Variants in ATP2B1 observed in about 807,000 individuals in gnomAD.
The protein encoded by ATP2B1 is plasma membrane calcium-transporting ATPase 1.
A neutral mutation model predicts 124.2 loss-of-function variants in ATP2B1; 14 were observed. The ratio of observed to expected loss-of-function variants is 0.11; its 90% CI spans 0.07 to 0.18. The LOEUF is 0.18. ATP2B1 is among the 10% of genes least tolerant of loss of function. The probability of loss-of-function intolerance (pLI) is 1.00; values close to 1 mark genes in which losing one functional copy is unlikely to be tolerated. For synonymous variants in ATP2B1, 449 were observed against 492.4 expected, an observed-to-expected ratio of 0.91 and a Z score of 1.17; for missense variants, 763 against 1,466.1, an observed-to-expected ratio of 0.52 and a Z score of 7.83.
intron 6 of ATP2B1, among the ~76,000 whole-genome samples, chr12:89,629,279 A>T (rs1416961907): frequency 6.6e-6 from 1 of 152,192 alleles, no homozygotes; most frequent in African/African-American, 2.4e-5. Context: ...CAAATTATAT[A>T]ATCTCCGTAA....
chr12:89,630,603 G>C lies in ATP2B1; in HGVS notation c.830C>G (p.Ala277Gly), dbSNP rs543717834. ...MEGSGRMVVT[A>G]VGVNSQTGII... ...TCCAGTTTGAGAATTTACACCTACA[G>C]CTGTAACTACCATTCTTCCAGAGCC... Residue 277 changes from alanine (A) to glycine (G), a missense_variant, in exon 6 of 21, where the codon GCT becomes GGT. Coordinates refer to ENST00000428670, the MANE Select transcript of ATP2B1 (RefSeq NM_001366521.1). The C allele has an allele frequency of 6.3e-7, 1 of 1,599,538 alleles. No individual in the cohort carries two copies. Among genetic ancestry groups the C allele is most frequent in the East Asian group, 2.3e-5 (1 of 43,892 alleles).
chr12:89,633,605 A>G lies in ATP2B1; in HGVS notation c.787+1173T>C, dbSNP rs56787277. ...GCAATAGGATTTTCTGGCCAATATA[A>G]ATGTGTCTGGTTCTTTGCAATAAGC... is the stretch of plus-strand genomic sequence containing the variant. On this transcript the variant is annotated intron_variant, in intron 5 of 20. Transcript: ENST00000428670. Among the ~76,000 whole-genome samples the G allele has an allele frequency of 3.9e-3, 592 of 152,144 alleles. 2 individuals are homozygous for G. The highest frequency in any genetic ancestry group is 0.013 in the African/African-American group (554 of 41,514).
chr12:89,618,320 T>C (rs959192179), intron 11 of ATP2B1, among the ~76,000 whole-genome samples: 4 of 152,176 alleles, frequency 2.6e-5, no homozygotes, highest in Admixed American at 1.3e-4. Flanking sequence ...CACTAGACAG[T>C]TGGTATGCAT....
intron 2 of ATP2B1, among the ~76,000 whole-genome samples, chr12:89,650,626 T>C (rs1341789498): frequency 1.3e-5 from 2 of 152,226 alleles, no homozygotes; most frequent in African/African-American, 4.8e-5. Flanking sequence ...TACAAGTCCA[T>C]GAAGCCATGC....
intron 1 of ATP2B1, among the ~76,000 whole-genome samples, chr12:89,699,372 T>C (rs1260549556): frequency 6.6e-6 from 1 of 152,242 alleles, no homozygotes; most frequent in East Asian, 1.9e-4. Flanking sequence ...TTTCAATAAA[T>C]GTATTTATCT....
Position 89,620,165 on chromosome 12 carries a change from C to T in ATP2B1, c.1663G>A (p.Asp555Asn). The change falls in exon 11 of 21, where the codon GAT becomes AAT. Residue 555 changes from aspartate (D) to asparagine (N), a missense_variant. Physicochemically the swap from Asp to Asn is conservative, Grantham distance 23. Transcript: ENST00000428670. ...TECALLGLLL[D>N]LKRDYQDVRN... is the part of the protein sequence containing the mutation. ...ACATCCTGATAATCCCGTTTTAAAT[C>T]CAAAAGAAGTCCCAACAAGGCACAT... 1 of 1,614,058 alleles carries T rather than the reference C, an allele frequency of 6.2e-7. No homozygotes were observed. The highest frequency in any genetic ancestry group is 8.5e-7 in the Non-Finnish European group (1 of 1,179,978).
At chr12:89,700,953 G>T (rs914093404) in intron 1 of ATP2B1, among the ~76,000 whole-genome samples, 5 of 152,146 alleles carry the variant, frequency 3.3e-5, no homozygotes, top group African/African-American at 1.2e-4. Flanking sequence ...AAATATAACA[G>T]CTTACATACT....
chr12:89,683,665 C>T (rs1038836410), intron 1 of ATP2B1, among the ~76,000 whole-genome samples: 5 of 152,178 alleles, frequency 3.3e-5, no homozygotes, highest in Non-Finnish European at 7.4e-5. Flanking sequence ...GAACAAGTCA[C>T]CCCGATGTCC....
At chr12:89,705,784 A>G (rs1364715160) in intron 1 of ATP2B1, among the ~76,000 whole-genome samples, 1 of 152,198 alleles carries the variant, frequency 6.6e-6, no homozygotes, top group African/African-American at 2.4e-5. Context: ...GTAAGGGGAT[A>G]AAACACCTTT....
At chr12:89,699,582 T>C (rs1044659112) in intron 1 of ATP2B1, among the ~76,000 whole-genome samples, 3 of 152,136 alleles carry the variant, frequency 2.0e-5, no homozygotes, top group East Asian at 1.9e-4. Context: ...CCCCCTGACT[T>C]TGTACTTTTT....
chr12:89,613,218 C>T (rs1360319679), intron 12 of ATP2B1, among the ~76,000 whole-genome samples: 3 of 151,966 alleles, frequency 2.0e-5, no homozygotes, highest in Non-Finnish European at 2.9e-5. Flanking sequence ...TGAGCTCAGG[C>T]GATCCGTCTG....
chr12:89,629,457 C>T (rs1881491358), intron 6 of ATP2B1, among the ~76,000 whole-genome samples: 1 of 152,156 alleles, frequency 6.6e-6, no homozygotes, highest in South Asian at 2.1e-4. Flanking sequence ...ACATTGAGAA[C>T]TGCTTCAAGG....
intron 2 of ATP2B1, among the ~76,000 whole-genome samples, chr12:89,648,512 A>G (rs1884808273): frequency 1.3e-5 from 2 of 152,228 alleles, no homozygotes; most frequent in Non-Finnish European, 2.9e-5. Context: ...GGCATGGCTG[A>G]TTCAACAGCC....
chr12:89,645,844 A>G (rs1449670312), intron 2 of ATP2B1, among the ~76,000 whole-genome samples: 2 of 152,172 alleles, frequency 1.3e-5, no homozygotes, highest in Non-Finnish European at 2.9e-5. Flanking sequence ...GAGTAGTGGT[A>G]ACTAACCTGC....
chr12:89,680,811 A>C (rs912428177), intron 1 of ATP2B1, among the ~76,000 whole-genome samples: 11 of 152,196 alleles, frequency 7.2e-5, no homozygotes, highest in African/African-American at 2.7e-4. Context: ...AAGATTAAAA[A>C]AAAATCCCCA....
intron 1 of ATP2B1, among the ~76,000 whole-genome samples, chr12:89,695,346 C>T (rs1366799153): frequency 3.9e-5 from 6 of 152,038 alleles, no homozygotes. Flanking sequence ...ACTTAAAGCT[C>T]TACATAACAG....
At chr12:89,638,000 C>T (rs1225205417) in intron 3 of ATP2B1, among the ~76,000 whole-genome samples, 1 of 152,040 alleles carries the variant, frequency 6.6e-6, no homozygotes, top group Non-Finnish European at 1.5e-5. Flanking sequence ...TATAGTTCTA[C>T]TCTACATCAT....
chr12:89,706,111 ACT>A (rs1348114895), intron 1 of ATP2B1, among the ~76,000 whole-genome samples: 1 of 152,154 alleles, frequency 6.6e-6, no homozygotes, highest in African/African-American at 2.4e-5. Context: ...CACTACAGTA[ACT>A]CTTTTCTAAG....
chr12:89,643,078 AC>A (rs1437644906), intron 2 of ATP2B1, among the ~76,000 whole-genome samples: 127 of 151,312 alleles, frequency 8.4e-4, no homozygotes, highest in African/African-American at 3.1e-3. Flanking sequence ...ACACACACAC[AC>A]ACACACACAC....
Sources: gnomAD v4.1 joint callset for allele counts (sites outside exome capture counted in the v4.1 genomes callset) on GRCh38, gnomAD v4.1.1 for gene constraint, MANE v1.5 for transcripts, NCBI Gene and HGNC (gene_info 2026-07-23, HGNC 2026-07-21) for gene names.